The following SLC26A11 variants were observed in gnomAD, a reference collection of about 807,000 sequenced individuals.
SLC26A11 encodes solute carrier family 26 member 11.
SLC26A11 carries 58 observed loss-of-function variants against 62.2 expected under a neutral mutation model. The ratio of observed to expected loss-of-function variants is 0.93; its 90% CI spans 0.76 to 1.16. The LOEUF (loss-of-function observed/expected upper bound fraction) is 1.16. Ranked by LOEUF, SLC26A11 falls within the 50% of genes most tolerant of loss-of-function variation. The pLI is 0.00. For synonymous variants in SLC26A11, 411 were observed against 368.9 expected, an observed-to-expected ratio of 1.11 and a Z score of -1.31; for missense variants, 790 against 794.3, an observed-to-expected ratio of 0.99 and a Z score of 0.06.
intron 7 of SLC26A11, among the ~76,000 whole-genome samples, chr17:80,231,020 C>G (rs570053850): frequency 7.8e-6 from 1 of 128,522 alleles, no homozygotes; most frequent in Non-Finnish European, 1.7e-5. Flanking sequence ...ATGTTATGAT[C>G]CTCTCAAAGA....
Position 80,237,033 on chromosome 17 carries a change from C to G in SLC26A11, c.842C>G (p.Pro281Arg). ...ACAGGGGAGACAGCTGAGGGGCTCC[C>G]TCCAGTCCGGATCCCGCCCTTCTCA... is the stretch of plus-strand genomic sequence containing the variant. ...ILTGETAEGL[P>R]PVRIPPFSVT... Residue 281 changes from proline to arginine, a missense_variant, in exon 8 of 18, where the codon CCT (proline) becomes CGT (arginine). Physicochemically the swap from Pro to Arg is moderately radical, Grantham distance 103. Coordinates refer to ENST00000361193, the MANE Select transcript of SLC26A11 (RefSeq NM_001166347.2). The G allele has an allele frequency of 6.2e-7, 1 of 1,614,094 alleles. No homozygotes were observed. Among genetic ancestry groups the G allele is most frequent in the Non-Finnish European group, 8.5e-7 (1 of 1,180,002 alleles).
At chr17:80,221,475 A>C (rs2042187144) in intron 2 of SLC26A11, 73 bp from the exon 3 acceptor site, 1 of 1,159,908 alleles carries the variant, frequency 8.6e-7, no homozygotes, top group African/African-American at 1.5e-5. Context: ...ACACCCGCCG[A>C]CCCTGACCAG....
At position 80,221,528 on chromosome 17, in the gene SLC26A11, G is replaced by C; in HGVS notation, c.-13-20G>C. 1 of 1,507,800 alleles carries C rather than the reference G, an allele frequency of 6.6e-7. No individual in the cohort carries two copies. The highest frequency in any genetic ancestry group is 8.9e-7 in the Non-Finnish European group (1 of 1,124,836). 93.4% of individuals were successfully genotyped at this position (1,507,800 alleles called of 1,614,324 possible). On this transcript the variant is annotated intron_variant, in intron 2 of 17. Transcript: ENST00000361193. ...AAGGCCACGCTCTGACTGCTGGTCT[G>C]TGTCACCTGCACCCCCCAGCCCCAC...
In SLC26A11 at chr17:80,249,240, C is replaced by T. The variant is rs2043095313; in HGVS notation, c.1609C>T (p.Gln537Ter). 1 of 1,611,614 alleles carries T rather than the reference C, an allele frequency of 6.2e-7. No individual in the cohort carries two copies. Among genetic ancestry groups the T allele is most frequent in the Admixed American group, 1.7e-5 (1 of 60,020 alleles). The change falls in exon 16 of 18, where the codon CAG becomes TAG. Residue 537 changes from glutamine to a stop codon, truncating the protein, a stop_gained. Transcript: ENST00000361193. LOFTEE classifies it high-confidence loss of function. ...TVVLGLGELL[Q>*]DFQKQGVALA... The stretch of plus-strand genomic sequence containing the variant: ...GGTGCTGGGACTCGGCGAGCTCCTC[C>T]AGGACTTCCAGAAGCAGGGCGTCGC...
At position 80,228,301 on chromosome 17, in the gene SLC26A11, T is replaced by C. The variant is rs561207584; in HGVS notation, c.736+341T>C. Among the ~76,000 whole-genome samples, 4 of 152,162 alleles carry C rather than the reference T, an allele frequency of 2.6e-5. No individual in the cohort carries two copies. Among genetic ancestry groups the C allele is most frequent in the Admixed American group, 2.6e-4 (4 of 15,272 alleles). ...GCGCATGCCACCACGCTCGACTGAT[T>C]TTTGTATTTATAGTAGAGACGGGGT... On this transcript the variant is annotated intron_variant, in intron 7 of 17. Transcript: ENST00000361193. The surrounding 1 kb of genome is among the most constrained non-coding windows in gnomAD (Gnocchi z 4.1).
chr17:80,221,578 G>A lies in SLC26A11; in HGVS notation c.18G>A (p.Thr6=), dbSNP rs1349338618. 4.4e-6 allele frequency: 7 copies of A among 1,597,666 alleles called. No homozygotes were observed. The African/African-American group carries it at 5.3e-5, about 12-fold the overall frequency. ...CCGTAGAGATGCCTTCTTCGGTGAC[G>A]GCGCTGGGTCAGGCCAGGTCCTCTG... MPSSV[T]ALGQARSSGP... Residue 6 remains threonine (T), a synonymous_variant, in exon 3 of 18, where the codon ACG becomes ACA. Coordinates refer to ENST00000361193, the MANE Select transcript of SLC26A11 (RefSeq NM_001166347.2).
In SLC26A11 at chr17:80,246,051, G is replaced by A; in HGVS notation, c.1098-103G>A. The A allele has an allele frequency of 7.2e-7, 1 of 1,395,016 alleles. No homozygotes were observed. Among genetic ancestry groups the A allele is most frequent in the Non-Finnish European group, 1.0e-6 (1 of 982,498 alleles). The allele number at this position is 1,395,016 out of a possible 1,614,324, so 86.4% of individuals were successfully genotyped here. ...AGTCCCCGCCTGCTTCCCAAGCCGT[G>A]CTGGGAGCTGACGTCCCCTCGGAAG... On this transcript the variant is annotated intron_variant, in intron 11 of 17. Transcript: ENST00000361193. The surrounding 1 kb of genome is among the most constrained non-coding windows in gnomAD (Gnocchi z 4.4).
chr17:80,236,664 G>A (rs972657257), intron 7 of SLC26A11: 31 of 418,862 alleles, frequency 7.4e-5, no homozygotes, highest in East Asian at 2.5e-4. Context: ...TCTTTGCCGC[G>A]GTGCACGATG....
intron 7 of SLC26A11, among the ~76,000 whole-genome samples, chr17:80,231,225 T>C (rs2042559211): frequency 6.6e-6 from 1 of 150,488 alleles, no homozygotes; most frequent in Non-Finnish European, 1.5e-5. Flanking sequence ...TGCAATGGTG[T>C]GATCTCAGCT....
At chr17:80,225,313 T>G (rs2042378876) in intron 5 of SLC26A11, among the ~76,000 whole-genome samples, 1 of 152,230 alleles carries the variant, frequency 6.6e-6, no homozygotes, top group African/African-American at 2.4e-5. Context: ...GCTGGTTTCT[T>G]GAAGCCCCTC....
At chr17:80,236,128 A>T (rs1279158860) in intron 7 of SLC26A11, among the ~76,000 whole-genome samples, 2 of 152,188 alleles carry the variant, frequency 1.3e-5, no homozygotes, top group Non-Finnish European at 2.9e-5. Flanking sequence ...TGCTCCATGA[A>T]TTATGAGGGT....
rs536568770 is a variant in SLC26A11 at position 80,227,830 on chromosome 17, C to T, written c.606C>T (p.Ala202=). ...TGCCTGTCCACAGGGTAGGTGACGC[C>T]GTCCTGGGGCTGGTCTGCATGCTGC... is the stretch of plus-strand genomic sequence containing the variant. ...LRIAETRVGD[A]VLGLVCMLLL... Residue 202 remains alanine (A), a synonymous_variant, in exon 7 of 18, where the codon GCC becomes GCT. Coordinates refer to ENST00000361193, the MANE Select transcript of SLC26A11 (RefSeq NM_001166347.2). 5.0e-5 allele frequency: 80 copies of T among 1,603,934 alleles called. 1 individual carries two copies. In the African/African-American group the frequency reaches 7.7e-4, roughly 15 times the overall value.
rs1285994976 is a variant in SLC26A11 at position 80,246,368 on chromosome 17, G to A, written c.1154-141G>A. The A allele has an allele frequency of 3.5e-6, 5 of 1,424,156 alleles. No individual in the cohort carries two copies. The highest frequency in any genetic ancestry group is 2.1e-5 in the Admixed American group (1 of 48,500). 88.2% of individuals were successfully genotyped at this position (1,424,156 alleles called of 1,614,324 possible). A position where few individuals can be genotyped will look rare whatever the true frequency, so the allele number is the denominator to read the frequency against. ...AGGAGTAGGGGGACCACAGGAGACT[G>A]AGCAGGGGCTGGGGGCCTTGGCAGT... On this transcript the variant is annotated intron_variant, in intron 12 of 17. Coordinates refer to ENST00000361193, the MANE Select transcript of SLC26A11 (RefSeq NM_001166347.2). The surrounding 1 kb of genome is among the most constrained non-coding windows in gnomAD (Gnocchi z 4.4).
intron 9 of SLC26A11, among the ~76,000 whole-genome samples, chr17:80,240,570 A>G (rs888115607): frequency 1.3e-5 from 2 of 152,086 alleles, no homozygotes; most frequent in African/African-American, 4.8e-5. Flanking sequence ...TGGGAGGCCA[A>G]GGTGGGCGGA....
intron 8 of SLC26A11, 157 bp from the exon 9 acceptor site, chr17:80,237,365 C>A: frequency 1.3e-6 from 1 of 777,370 alleles, no homozygotes; most frequent in Non-Finnish European, 2.1e-6. Context: ...TTCCTCCCAG[C>A]ACCTGGCGCC....
At chr17:80,250,017 C>T (rs1226311641) in intron 16 of SLC26A11, among the ~76,000 whole-genome samples, 3 of 152,188 alleles carry the variant, frequency 2.0e-5, no homozygotes, top group African/African-American at 2.4e-5. Flanking sequence ...TGTTCAGAGC[C>T]ACAGGTAAAG....
chr17:80,231,547 T>G (rs2042568143), intron 7 of SLC26A11, among the ~76,000 whole-genome samples: 3 of 152,238 alleles, frequency 2.0e-5, no homozygotes, highest in Non-Finnish European at 4.4e-5. Context: ...TTAAATGCTG[T>G]AAATTTCACT....
chr17:80,245,060 G>A (rs908538673), intron 10 of SLC26A11, 136 bp from the exon 11 acceptor site: 8 of 714,614 alleles, frequency 1.1e-5, no homozygotes, highest in Non-Finnish European at 2.0e-5. Context: ...GAGTGCGTAG[G>A]CCCAGGCCCC....
At position 80,241,739 on chromosome 17, in the gene SLC26A11, CT is replaced by C. The variant is rs1567961432; in HGVS notation, c.986-31del. ...ACTTTTTGAGCGATGTTGAATATTA[CT>C]GACCAGGTCTTTACCGTTGGTTCCC... On this transcript the variant is annotated intron_variant, in intron 9 of 17. Coordinates refer to ENST00000361193, the MANE Select transcript of SLC26A11 (RefSeq NM_001166347.2). 4 of 1,609,824 alleles carry C rather than the reference CT, an allele frequency of 2.5e-6. No homozygotes were observed. In the Admixed American group the frequency reaches 6.7e-5, roughly 27 times the overall value.
Sources: gnomAD v4.1 joint callset for allele counts (sites outside exome capture counted in the v4.1 genomes callset) on GRCh38, gnomAD v4.1.1 for gene constraint, Gnocchi (gnomAD v3.1) non-coding constraint, MANE v1.5 for transcripts, NCBI Gene and HGNC (gene_info 2026-07-23, HGNC 2026-07-21) for gene names.